The following SLIT3 variants were observed in gnomAD, a reference collection of about 807,000 sequenced individuals.
The protein encoded by SLIT3 is slit guidance ligand 3.
A neutral mutation model predicts 184.0 loss-of-function variants in SLIT3; 68 were observed. That is an observed-to-expected ratio of 0.37 (90% CI 0.30 to 0.45). The LOEUF (loss-of-function observed/expected upper bound fraction) is 0.45. Among genes scored for constraint, SLIT3 ranks in the 20% least tolerant of loss-of-function variants. The probability of loss-of-function intolerance (pLI) is 1.00; values close to 1 mark genes in which losing one functional copy is unlikely to be tolerated. For missense variants in SLIT3, 1,707 were observed against 2,026.0 expected (o/e 0.84, Z 3.02); for synonymous variants, 831 against 828.6 (o/e 1.00, Z -0.05).
At chr5:168,888,285 G>T (rs1257696291) in intron 4 of SLIT3, among the ~76,000 whole-genome samples, 1 of 152,234 alleles carries the variant, frequency 6.6e-6, no homozygotes, top group East Asian at 1.9e-4. Flanking sequence ...TCCTTGGTTA[G>T]GGACCACTCA....
intron 1 of SLIT3, among the ~76,000 whole-genome samples, chr5:169,286,959 GA>G (rs1410231399): frequency 6.6e-6 from 1 of 152,236 alleles, no homozygotes; most frequent in Non-Finnish European, 1.5e-5. Flanking sequence ...CTCCAGTCAG[GA>G]AAGAACCCAG....
At chr5:168,821,607 T>C (rs746990620) in intron 7 of SLIT3, among the ~76,000 whole-genome samples, 3 of 152,218 alleles carry the variant, frequency 2.0e-5, no homozygotes, top group Non-Finnish European at 2.9e-5. Flanking sequence ...GGCTGAGTTA[T>C]GCTTTTCAAT....
At chr5:169,059,971 T>G (rs929786232) in intron 4 of SLIT3, among the ~76,000 whole-genome samples, 2 of 152,214 alleles carry the variant, frequency 1.3e-5, no homozygotes, top group Admixed American at 1.3e-4. Context: ...CCTAGAGAGC[T>G]CTTTCATCCT....
Position 168,929,359 on chromosome 5 carries a change from T to C in SLIT3, c.414-46023A>G, listed in dbSNP as rs369705185. ...TGAGCAAAATACTGTGTTAAACTTT[T>C]TATTTTATGTGATTTAAATCATTTA... On this transcript the variant is annotated intron_variant, in intron 4 of 35. Transcript: ENST00000519560. Among the ~76,000 whole-genome samples the C allele has an allele frequency of 3.2e-4, 49 of 152,378 alleles. No individual in the cohort carries two copies. The South Asian group carries it at 9.3e-3, about 29-fold the overall frequency.
intron 4 of SLIT3, among the ~76,000 whole-genome samples, chr5:169,006,847 CAG>C (rs148548038): frequency 0.036 from 5,535 of 152,224 alleles, 127 homozygotes; most frequent in Middle Eastern, 0.065. Flanking sequence ...GGCCTTTTTG[CAG>C]AGTGTCTGGA....
chr5:169,152,443 C>G (rs1308637835), intron 4 of SLIT3, among the ~76,000 whole-genome samples: 1 of 152,208 alleles, frequency 6.6e-6, no homozygotes, highest in Non-Finnish European at 1.5e-5. Flanking sequence ...AAATGTAAGT[C>G]ACCTGAATTT....
chr5:169,021,137 A>G (rs1438634068), intron 4 of SLIT3, among the ~76,000 whole-genome samples: 1 of 152,106 alleles, frequency 6.6e-6, no homozygotes, highest in East Asian at 1.9e-4. Flanking sequence ...TTCTGTCTAT[A>G]GATATATAGA....
intron 32 of SLIT3, among the ~76,000 whole-genome samples, chr5:168,681,961 GA>G (rs1275156047): frequency 6.6e-6 from 1 of 152,218 alleles, no homozygotes; most frequent in African/African-American, 2.4e-5. Context: ...GGGGGAGGGG[GA>G]AAAACTGAGG....
intron 4 of SLIT3, among the ~76,000 whole-genome samples, chr5:168,972,336 CATGTGT>C (rs1032356648): frequency 5.0e-5 from 2 of 39,778 alleles, no homozygotes; most frequent in Non-Finnish European, 8.2e-5. Context: ...TGCAGGACAA[CATGTGT>C]GTGTGTGTGT....
chr5:168,763,010 C>T (rs977796982), intron 14 of SLIT3, among the ~76,000 whole-genome samples: 1 of 152,070 alleles, frequency 6.6e-6, no homozygotes, highest in South Asian at 2.1e-4. Flanking sequence ...ATGTTCTCCT[C>T]GGGGAAGTGC....
intron 1 of SLIT3, among the ~76,000 whole-genome samples, chr5:169,279,006 G>A (rs1024192440): frequency 2.6e-5 from 4 of 152,218 alleles, no homozygotes; most frequent in African/African-American, 9.6e-5. Context: ...CAGGAGGAAT[G>A]AGCCATGAGG....
chr5:168,713,179 C>T (rs1216490861), intron 23 of SLIT3, among the ~76,000 whole-genome samples: 4 of 152,206 alleles, frequency 2.6e-5, no homozygotes, highest in African/African-American at 9.6e-5. Context: ...CACACACATA[C>T]ACGAGTCTGG....
rs192787918 is a variant in SLIT3 at position 169,052,910 on chromosome 5, T to G, written c.413+140569A>C. On this transcript the variant is annotated intron_variant, in intron 4 of 35. Coordinates refer to ENST00000519560, the MANE Select transcript of SLIT3 (RefSeq NM_003062.4). ...CACTCTGTTTCAAAGGATAGGCAGATGTTGCAGAGAACCACCGCCTCCAGG... is the reference window on the plus strand; with the variant it reads ...CACTCTGTTTCAAAGGATAGGCAGAGGTTGCAGAGAACCACCGCCTCCAGG... Among the ~76,000 whole-genome samples the G allele has an allele frequency of 4.4e-3, 669 of 152,192 alleles. 4 individuals carry two copies. The highest frequency in any genetic ancestry group is 7.3e-3 in the Non-Finnish European group (493 of 67,986).
At chr5:168,883,419 C>A in intron 4 of SLIT3, 83 bp from the exon 5 acceptor site, 1 of 1,080,922 alleles carries the variant, frequency 9.3e-7, no homozygotes, top group Admixed American at 1.8e-5. Context: ...ACAATCCCCC[C>A]CACCCAGGCT....
At chr5:168,948,274 C>T (rs750553516) in intron 4 of SLIT3, among the ~76,000 whole-genome samples, 10 of 152,104 alleles carry the variant, frequency 6.6e-5, no homozygotes, top group Non-Finnish European at 1.3e-4. Context: ...ATAGTCATGG[C>T]AACAGAAGGG....
At chr5:168,968,886 T>C (rs1754446086) in intron 4 of SLIT3, among the ~76,000 whole-genome samples, 1 of 152,156 alleles carries the variant, frequency 6.6e-6, no homozygotes, top group Admixed American at 6.6e-5. Flanking sequence ...CTGATCTTCA[T>C]CTATAAAATG....
chr5:168,781,951 G>A (rs1305614072), intron 12 of SLIT3, among the ~76,000 whole-genome samples: 1 of 152,150 alleles, frequency 6.6e-6, no homozygotes, highest in Non-Finnish European at 1.5e-5. Context: ...TAGCGTTGTG[G>A]TAGATTAAAT....
intron 4 of SLIT3, among the ~76,000 whole-genome samples, chr5:169,039,980 G>C (rs1381742356): frequency 6.6e-6 from 1 of 152,172 alleles, no homozygotes; most frequent in Admixed American, 6.5e-5. Context: ...CTATCATTTA[G>C]TGTATAGCAG....
At chr5:168,991,629 G>C (rs1755334122) in intron 4 of SLIT3, among the ~76,000 whole-genome samples, 1 of 152,220 alleles carries the variant, frequency 6.6e-6, no homozygotes, top group Non-Finnish European at 1.5e-5. Flanking sequence ...ATCTATCAGG[G>C]AGGACGAGGG....
Sources: allele counts gnomAD v4.1 joint callset (sites outside exome capture counted in the v4.1 genomes callset), GRCh38; gene constraint gnomAD v4.1.1; transcripts MANE v1.5; gene names NCBI Gene and HGNC (gene_info 2026-07-23, HGNC 2026-07-21).